The following RNLS variants were observed in gnomAD, a reference collection of about 807,000 sequenced individuals.
RNLS encodes renalase.
A neutral mutation model predicts 39.8 loss-of-function variants in RNLS; 39 were observed. That is an observed-to-expected ratio of 0.98 (90% CI 0.76 to 1.28). RNLS has a LOEUF of 1.28. RNLS is among the 50% of genes most tolerant of loss of function. RNLS has a pLI of 0.00. For synonymous variants in RNLS, 147 were observed against 150.7 expected, an observed-to-expected ratio of 0.98 and a Z score of 0.18; for missense variants, 410 against 413.3, an observed-to-expected ratio of 0.99 and a Z score of 0.07.
At chr10:88,339,139 T>C (rs1043935152) in intron 5 of RNLS, among the ~76,000 whole-genome samples, 1 of 152,178 alleles carries the variant, frequency 6.6e-6, no homozygotes, top group African/African-American at 2.4e-5. Flanking sequence ...ATGTGAGGAT[T>C]TGTGGTAGAG....
rs994689284 is a variant in RNLS, at chr10:88,386,724, G to A, written c.527-23999C>T. Reference sequence around the variant, plus strand: ...TTTCCATAGATAAGCAGGATGTGAGGGCTGAGGACACCCACTTAGCCATTA... The same window carrying A: ...TTTCCATAGATAAGCAGGATGTGAGAGCTGAGGACACCCACTTAGCCATTA... On this transcript the variant is annotated intron_variant, in intron 4 of 6. Transcript: ENST00000331772. 2.0e-5 allele frequency among the ~76,000 whole-genome samples: 3 copies of A among 152,094 alleles called. No individual in the cohort carries two copies. The East Asian group carries it at 5.8e-4, about 29-fold the overall frequency.
At chr10:88,568,447 T>G (rs187474023) in intron 4 of RNLS, among the ~76,000 whole-genome samples, 5 of 152,216 alleles carry the variant, frequency 3.3e-5, no homozygotes, top group African/African-American at 1.2e-4. Flanking sequence ...AACCACTGAA[T>G]TGTACATTTT....
At chr10:88,259,987 G>A in the RNLS span, among the ~76,000 whole-genome samples, 5 of 152,178 alleles carry the variant, frequency 3.3e-5, no homozygotes, top group Middle Eastern at 3.4e-3. Context: ...TGATCCGCCC[G>A]CCTCGGCCTC....
chr10:88,261,036 A>T, the RNLS span, among the ~76,000 whole-genome samples: 5 of 152,226 alleles, frequency 3.3e-5, no homozygotes, highest in African/African-American at 4.8e-5. Context: ...GAGAAGAAGG[A>T]TGGAATTTGC....
chr10:88,498,113 A>C (rs989993820), intron 4 of RNLS, among the ~76,000 whole-genome samples: 1 of 152,096 alleles, frequency 6.6e-6, no homozygotes, highest in Non-Finnish European at 1.5e-5. Context: ...TTACAAAGGG[A>C]AAAATAGTAG....
At chr10:88,292,976 G>T (rs1843779431) in intron 6 of RNLS, among the ~76,000 whole-genome samples, 2 of 152,128 alleles carry the variant, frequency 1.3e-5, no homozygotes, top group Non-Finnish European at 2.9e-5. Flanking sequence ...GCTTGAACCA[G>T]AGTTGGAGGT....
chr10:88,391,164 G>A (rs1454319080), intron 4 of RNLS, among the ~76,000 whole-genome samples: 2 of 152,146 alleles, frequency 1.3e-5, no homozygotes, highest in African/African-American at 4.8e-5. Flanking sequence ...GTCTGATTAT[G>A]TCTTCCAGTG....
At chr10:88,434,449 GT>G (rs1304221585) in intron 4 of RNLS, among the ~76,000 whole-genome samples, 1 of 152,046 alleles carries the variant, frequency 6.6e-6, no homozygotes, top group Non-Finnish European at 1.5e-5. Context: ...GCTTTTTTTG[GT>G]ACCCAGAGTT....
chr10:88,174,986 T>G, the RNLS span, among the ~76,000 whole-genome samples: 1 of 152,172 alleles, frequency 6.6e-6, no homozygotes, highest in East Asian at 1.9e-4. Context: ...TTCAATTTTG[T>G]TAGCTTATAT....
chr10:88,354,191 G>C (rs1201855732), intron 5 of RNLS, among the ~76,000 whole-genome samples: 10 of 152,120 alleles, frequency 6.6e-5, no homozygotes, highest in Admixed American at 6.6e-4. Context: ...TCTGTCTTTT[G>C]ATTGGAGCAT....
intron 4 of RNLS, among the ~76,000 whole-genome samples, chr10:88,446,312 T>G (rs554716753): frequency 0.012 from 1,815 of 152,068 alleles, 21 homozygotes; most frequent in Non-Finnish European, 0.019. Flanking sequence ...CACATTTAAA[T>G]CAGTGTGTAG....
intron 6 of RNLS, among the ~76,000 whole-genome samples, chr10:88,293,218 T>C (rs1843804144): frequency 6.6e-6 from 1 of 152,228 alleles, no homozygotes; most frequent in Admixed American, 6.5e-5. Flanking sequence ...GCATTTCCCC[T>C]GCTCATTGCG....
the RNLS span, among the ~76,000 whole-genome samples, chr10:88,252,319 A>T: frequency 6.6e-6 from 1 of 152,190 alleles, no homozygotes; most frequent in Non-Finnish European, 1.5e-5. Flanking sequence ...TGGTTCTCTA[A>T]GCCGTCAATC....
At chr10:88,211,647 G>T in the RNLS span, among the ~76,000 whole-genome samples, 1 of 152,128 alleles carries the variant, frequency 6.6e-6, no homozygotes, top group Non-Finnish European at 1.5e-5. Context: ...AACATGCTGG[G>T]GAATTGAAAG....
At chr10:88,294,926 G>A (rs866046537) in intron 6 of RNLS, among the ~76,000 whole-genome samples, 8 of 151,254 alleles carry the variant, frequency 5.3e-5, no homozygotes, top group South Asian at 4.2e-4. Context: ...TTGCTTTTCC[G>A]CCCCCACCCT....
chr10:88,509,402 A>T (rs991473905), intron 4 of RNLS, among the ~76,000 whole-genome samples: 1 of 148,134 alleles, frequency 6.8e-6, no homozygotes, highest in Non-Finnish European at 1.5e-5. Flanking sequence ...TAGAAAAAGT[A>T]TTGATGAATG....
chr10:88,189,510 A>T, the RNLS span, among the ~76,000 whole-genome samples: 1 of 152,220 alleles, frequency 6.6e-6, no homozygotes, highest in African/African-American at 2.4e-5. Flanking sequence ...ACAAAAAAAA[A>T]TAATGAATCA....
the RNLS span, among the ~76,000 whole-genome samples, chr10:88,227,047 C>T: frequency 6.6e-6 from 1 of 152,150 alleles, no homozygotes; most frequent in Non-Finnish European, 1.5e-5. Flanking sequence ...CAATCATGCC[C>T]ATTCATTTAG....
chr10:88,288,490 CAT>C (rs972341121), intron 6 of RNLS, among the ~76,000 whole-genome samples: 1 of 152,104 alleles, frequency 6.6e-6, no homozygotes, highest in African/African-American at 2.4e-5. Flanking sequence ...CATATCTATA[CAT>C]ATATGTGTGT....
Sources: allele counts gnomAD v4.1 joint callset (sites outside exome capture counted in the v4.1 genomes callset), GRCh38; gene constraint gnomAD v4.1.1; transcripts MANE v1.5; gene names NCBI Gene and HGNC (gene_info 2026-07-23, HGNC 2026-07-21).